RASSF6: variants seen among roughly 807,000 people sequenced by gnomAD.
RASSF6 encodes Ras association domain family member 6, also known as ras association domain-containing protein 6.
A neutral mutation model predicts 44.0 loss-of-function variants in RASSF6; 52 were observed. The observed-to-expected ratio is 1.18, with a 90% CI of 0.95 to 1.49. The LOEUF is 1.49. Among genes scored for constraint, RASSF6 ranks in the 40% most tolerant of loss-of-function variants. The pLI, the probability that RASSF6 is intolerant of heterozygous loss-of-function variation, is 0.00. For missense variants in RASSF6, 464 were observed against 393.3 expected (o/e 1.18, Z -1.52); for synonymous variants, 162 against 124.6 (o/e 1.30, Z -2.00).
chr4:73,578,937 A>G (rs779440795), intron 8 of RASSF6, among the ~76,000 whole-genome samples: 4 of 151,846 alleles, frequency 2.6e-5, no homozygotes, highest in Admixed American at 6.6e-5. Context: ...TCTCATCTGC[A>G]TTTCCCCAAT....
chr4:73,586,947 T>C (rs1182576101), intron 5 of RASSF6, among the ~76,000 whole-genome samples: 1 of 151,062 alleles, frequency 6.6e-6, no homozygotes, highest in Non-Finnish European at 1.5e-5. Context: ...TGCAAGTTGC[T>C]GGTAGGCTTA....
At chr4:73,592,418 C>T (rs553920680) in intron 4 of RASSF6, among the ~76,000 whole-genome samples, 1 of 152,146 alleles carries the variant, frequency 6.6e-6, no homozygotes, top group Non-Finnish European at 1.5e-5. Context: ...GGCTTGGTAT[C>T]TCAATGTATA....
At chr4:73,583,573 A>G (rs1723839527) in intron 6 of RASSF6, among the ~76,000 whole-genome samples, 1 of 152,144 alleles carries the variant, frequency 6.6e-6, no homozygotes, top group African/African-American at 2.4e-5. Flanking sequence ...TAAGAAACAT[A>G]TCCACTAAAA....
At chr4:73,596,598 C>T (rs539361002) in intron 3 of RASSF6, among the ~76,000 whole-genome samples, 14 of 152,294 alleles carry the variant, frequency 9.2e-5, no homozygotes, top group African/African-American at 3.4e-4. Context: ...CTACTGTTGA[C>T]ATTCTTCACA....
At chr4:73,618,301 T>TTATCTATC (rs60389955) in intron 1 of RASSF6, among the ~76,000 whole-genome samples, 6,008 of 150,298 alleles carry the variant, frequency 0.04, 349 homozygotes, top group African/African-American at 0.12. Flanking sequence ...TATAAAGTTG[T>TTATCTATC]TATCTATCTA....
chr4:73,605,831 G>T (rs1384231748), intron 2 of RASSF6, among the ~76,000 whole-genome samples: 1 of 152,082 alleles, frequency 6.6e-6, no homozygotes, highest in Non-Finnish European at 1.5e-5. Context: ...GTGTGAGATG[G>T]TGTCTCACTG....
chr4:73,615,904 AC>A lies in RASSF6; in HGVS notation c.-34-4076del, dbSNP rs947916261. On this transcript the variant is annotated intron_variant, in intron 1 of 10. Coordinates refer to ENST00000307439, the MANE Select transcript of RASSF6 (RefSeq NM_177532.5). ...GCCTGGACTTACCAGTTGCCTTGTG[AC>A]CAGAATGAGGCCAGAGGACAGGAAG... 7 of 1,550,326 alleles carry A rather than the reference AC, an allele frequency of 4.5e-6. No individual in the cohort carries two copies. The Admixed American group carries it at 1.4e-4, about 30-fold the overall frequency.
rs746231287 is a variant in RASSF6, at chr4:73,611,713, T to C, written c.65+18A>G. On this transcript the variant is annotated intron_variant, in intron 2 of 10. Coordinates refer to ENST00000307439, the MANE Select transcript of RASSF6 (RefSeq NM_177532.5). ...GACTGGTGAGTAGGACAATGTATAATATAAGGTGTGTGGTTACCTGGTTAT... is the reference window on the plus strand; with the variant it reads ...GACTGGTGAGTAGGACAATGTATAACATAAGGTGTGTGGTTACCTGGTTAT... 6.6e-7 allele frequency: 1 copy of C among 1,511,034 alleles called. No homozygotes were observed. The highest frequency in any genetic ancestry group is 1.1e-5 in the South Asian group (1 of 88,514). The allele number at this position is 1,511,034 out of a possible 1,614,324, so 93.6% of individuals were successfully genotyped here.
At chr4:73,596,319 T>C (rs1724940837) in intron 3 of RASSF6, among the ~76,000 whole-genome samples, 1 of 152,190 alleles carries the variant, frequency 6.6e-6, no homozygotes, top group African/African-American at 2.4e-5. Context: ...TGTGCAAAAG[T>C]TGCTAGCATT....
Position 73,584,271 on chromosome 4 carries a change from G to A in RASSF6, c.567+909C>T, listed in dbSNP as rs1476972141. 4.6e-5 allele frequency among the ~76,000 whole-genome samples: 7 copies of A among 152,062 alleles called. No homozygotes were observed. In the East Asian group the frequency reaches 1.3e-3, roughly 29 times the overall value. Reference sequence around the variant, plus strand: ...ATCCTTACAGGAAAAAGCCTACAAAGCAATGAGTTCCTATTTCTTATTAAA... The same window carrying A: ...ATCCTTACAGGAAAAAGCCTACAAAACAATGAGTTCCTATTTCTTATTAAA... On this transcript the variant is annotated intron_variant, in intron 6 of 10. Transcript: ENST00000307439.
At chr4:73,590,719 T>G (rs781221039) in intron 4 of RASSF6, among the ~76,000 whole-genome samples, 3 of 152,200 alleles carry the variant, frequency 2.0e-5, no homozygotes, top group Non-Finnish European at 4.4e-5. Context: ...CAACCAAATC[T>G]AATCTTGCTC....
At chr4:73,597,141 G>A (rs1228643032) in intron 3 of RASSF6, among the ~76,000 whole-genome samples, 2 of 152,122 alleles carry the variant, frequency 1.3e-5, no homozygotes, top group South Asian at 2.1e-4. Flanking sequence ...TTAAACTAAA[G>A]AGCTTCTGTA....
At chr4:73,584,591 T>C (rs16849651) in intron 6 of RASSF6, among the ~76,000 whole-genome samples, 42,426 of 152,070 alleles carry the variant, frequency 0.28, 6,165 homozygotes, top group Admixed American at 0.41. Flanking sequence ...ATGAGAAGTT[T>C]GATTTATTGG....
rs183272478 is a variant in RASSF6, at chr4:73,582,630, G to A, written c.568-340C>T. Among the ~76,000 whole-genome samples, 120 of 152,146 alleles carry A rather than the reference G, an allele frequency of 7.9e-4. 1 individual carries two copies. The highest frequency in any genetic ancestry group is 6.8e-3 in the Middle Eastern group (2 of 294). Reference sequence around the variant, plus strand: ...ATTTAAAAACGGATAGAGATATTAAGTAAGGATTTATTTCCACATATTTTA... The same window carrying A: ...ATTTAAAAACGGATAGAGATATTAAATAAGGATTTATTTCCACATATTTTA... On this transcript the variant is annotated intron_variant, in intron 6 of 10. Transcript: ENST00000307439.
Position 73,576,244 on chromosome 4 carries a change from T to G in RASSF6, c.1005A>C (p.Thr335=). 1.9e-6 allele frequency: 3 copies of G among 1,545,770 alleles called. No individual in the cohort carries two copies. The highest frequency in any genetic ancestry group is 3.5e-5 in the Admixed American group (2 of 57,938). Residue 335 remains threonine (T), a synonymous_variant, in exon 11 of 11, where the codon ACA becomes ACC. Transcript: ENST00000307439. ...LQNKLVIKTE[T]TV ...ATAGAAGCTTGTACTGCTAAACTGT[T>G]GTCTCTGTTTTTATTACTAGTTTAT...
chr4:73,609,200 AT>A (rs916486441), intron 2 of RASSF6, among the ~76,000 whole-genome samples: 123 of 151,956 alleles, frequency 8.1e-4, no homozygotes, highest in African/African-American at 2.6e-3. Context: ...TTCTCCATTA[AT>A]TTTTTTTTAA....
intron 4 of RASSF6, among the ~76,000 whole-genome samples, 193 bp from the exon 5 acceptor site, chr4:73,588,127 C>T (rs1181122643): frequency 6.6e-6 from 1 of 151,952 alleles, no homozygotes. Flanking sequence ...GTTTTAAATG[C>T]TTCCTGTACT....
chr4:73,595,906 G>C (rs994149398), intron 3 of RASSF6, among the ~76,000 whole-genome samples: 1 of 152,088 alleles, frequency 6.6e-6, no homozygotes, highest in African/African-American at 2.4e-5. Context: ...CCAAACTGTA[G>C]ATTTAAGCCA....
intron 6 of RASSF6, among the ~76,000 whole-genome samples, chr4:73,582,498 A>G (rs1050399555): frequency 6.6e-6 from 1 of 152,106 alleles, no homozygotes; most frequent in African/African-American, 2.4e-5. Flanking sequence ...TAAATTAGGT[A>G]AAACACCATT....
Sources: gnomAD v4.1 joint callset for allele counts (sites outside exome capture counted in the v4.1 genomes callset) on GRCh38, gnomAD v4.1.1 for gene constraint, MANE v1.5 for transcripts, NCBI Gene and HGNC (gene_info 2026-07-23, HGNC 2026-07-21) for gene names.